Variants in GREB1 observed in about 807,000 individuals in gnomAD.
The protein encoded by GREB1 is protein GREB1.
In GREB1, 106 loss-of-function variants were observed where a neutral mutation model predicts 200.7. The observed-to-expected ratio is 0.53, with a 90% CI of 0.45 to 0.62. The LOEUF (loss-of-function observed/expected upper bound fraction) is 0.62. Ranked by LOEUF, GREB1 falls within the 20% of genes least tolerant of loss-of-function variation. The pLI is 0.00. For synonymous variants in GREB1, 1,132 were observed against 1,092.4 expected (o/e 1.04, Z -0.72); for missense variants, 2,243 against 2,556.8 (o/e 0.88, Z 2.65).
At chr2:11,627,282 G>A (rs1042263240) in intron 25 of GREB1, among the ~76,000 whole-genome samples, 178 bp downstream of exon 25, 1 of 152,218 alleles carries the variant, frequency 6.6e-6, no homozygotes, top group Non-Finnish European at 1.5e-5. Context: ...TGGAACTAGA[G>A]CACCACGGTT....
intron 1 of GREB1, among the ~76,000 whole-genome samples, chr2:11,546,329 A>G (rs766619325): frequency 3.3e-5 from 5 of 152,208 alleles, no homozygotes; most frequent in Non-Finnish European, 5.9e-5. Flanking sequence ...TATACAGGAA[A>G]GAAATATTGG....
chr2:11,537,623 T>G lies in GREB1; in HGVS notation c.-162+3369T>G, dbSNP rs868423340. ...TAAAAATATAATAAATAGTATATAC[T>G]ATTTTAACATGTTATAAGTTTATAT... On this transcript the variant is annotated intron_variant, in intron 1 of 32. Transcript: ENST00000381486. Among the ~76,000 whole-genome samples the G allele has an allele frequency of 3.4e-4, 50 of 148,252 alleles. No individual in the cohort carries two copies. The South Asian group carries it at 7.8e-3, about 23-fold the overall frequency.
intron 16 of GREB1, 133 bp downstream of exon 16, chr2:11,601,128 C>T (rs990757754): frequency 1.4e-6 from 1 of 699,662 alleles, no homozygotes; most frequent in East Asian, 2.8e-5. Flanking sequence ...TGGTTCAACC[C>T]AGAGTTAGGT....
In GREB1 at chr2:11,592,969, C is replaced by T. The variant is rs774102320; in HGVS notation, c.1539C>T (p.Asn513=). ...WLASLAASSC[N]DSVHVIECAY... ...CCAGCCTGGCCGCCAGCTCCTGCAA[C>T]GACAGCGTGCACGTCATCGAGTGTG... is the stretch of plus-strand genomic sequence containing the variant. The change falls in exon 11 of 33, where the codon AAC becomes AAT. Residue 513 remains asparagine, a synonymous_variant. Transcript: ENST00000381486. The T allele has an allele frequency of 1.2e-5, 19 of 1,599,370 alleles. No homozygotes were observed. The highest frequency in any genetic ancestry group is 5.1e-5 in the Admixed American group (3 of 58,600).
intron 1 of GREB1, among the ~76,000 whole-genome samples, chr2:11,527,622 A>C (rs925931532): frequency 5.9e-5 from 9 of 152,226 alleles, no homozygotes; most frequent in Non-Finnish European, 1.0e-4. Flanking sequence ...CAGCCTCTCC[A>C]AATAGCAAGA....
rs772115285 is a variant in GREB1, at chr2:11,521,756, A to G, written c.-158-34701A>G. Among the ~76,000 whole-genome samples the G allele has an allele frequency of 7.4e-4, 112 of 152,352 alleles. 1 individual carries two copies. The highest frequency in any genetic ancestry group is 4.3e-4 in the Non-Finnish European group (29 of 68,036). On this transcript the variant is annotated intron_variant, in intron 1 of 2. Transcript: ENST00000628795. ...TACTTGAAAATCTTGCAAAATGCTAATAACGCAAACCATTTCTGGTTGGCT... is the reference window on the plus strand; with the variant it reads ...TACTTGAAAATCTTGCAAAATGCTAGTAACGCAAACCATTTCTGGTTGGCT...
rs766349374 is a variant in GREB1, at chr2:11,618,863, G to A, written c.3988G>A (p.Glu1330Lys). 109 of 1,586,654 alleles carry A rather than the reference G, an allele frequency of 6.9e-5. No individual in the cohort carries two copies. The East Asian group carries it at 9.9e-4, about 14-fold the overall frequency. The change falls in exon 22 of 33, where the codon GAG becomes AAG. Residue 1330 changes from glutamate (E) to lysine (K), a missense_variant. Glu to Lys is a moderately conservative substitution (Grantham distance 56, BLOSUM62 1). This residue lies in a region of GREB1 where 587 missense variants were observed against 553.1 expected (regional missense o/e 1.06). Transcript: ENST00000381486. ...CCACATGGACTACGGCAACCGGGCC[G>A]AGGGCCGCGTGGACGGCTTCCACCC... ...PSHMDYGNRA[E>K]GRVDGFHPRR... is the part of the protein sequence containing the mutation.
Position 11,634,306 on chromosome 2 carries a change from C to T in GREB1, c.5167C>T (p.Leu1723=). 1.2e-6 allele frequency: 2 copies of T among 1,614,140 alleles called. No individual in the cohort carries two copies. Among genetic ancestry groups the T allele is most frequent in the Non-Finnish European group, 1.7e-6 (2 of 1,180,002 alleles). The change falls in exon 29 of 33, where the codon CTG becomes TTG. Residue 1723 remains leucine (L), a synonymous_variant. Coordinates refer to ENST00000381486, the MANE Select transcript of GREB1 (RefSeq NM_014668.4). ...CTGCCACGTGCACAACTTCATCATC[C>T]TGAACGTGGACCTGACCCAGAACGT... ...SRCHVHNFII[L]NVDLTQNVQY...
At chr2:11,603,796 A>T in intron 17 of GREB1, among the ~76,000 whole-genome samples, 1 of 152,382 alleles carries the variant, frequency 6.6e-6, no homozygotes, top group South Asian at 2.1e-4. Context: ...CAGTGAGCAC[A>T]CATGATGTGT....
intron 26 of GREB1, among the ~76,000 whole-genome samples, chr2:11,631,623 C>A (rs962871202): frequency 9.2e-5 from 14 of 152,156 alleles, no homozygotes; most frequent in Admixed American, 1.3e-4. Flanking sequence ...CTGTTCAGCT[C>A]TCCTCCATGT....
At chr2:11,536,599 A>G (rs1018822323) in intron 1 of GREB1, among the ~76,000 whole-genome samples, 2 of 152,208 alleles carry the variant, frequency 1.3e-5, no homozygotes, top group African/African-American at 4.8e-5. Flanking sequence ...GAAGAGCATT[A>G]TGTATAGAAT....
At position 11,618,605 on chromosome 2, in the gene GREB1, G is replaced by A. The variant is rs201078006; in HGVS notation, c.3730G>A (p.Ala1244Thr). 135 of 1,613,192 alleles carry A rather than the reference G, an allele frequency of 8.4e-5. 1 individual carries two copies. In the East Asian group the frequency reaches 2.9e-3, roughly 34 times the overall value. The change falls in exon 22 of 33, where the codon GCC (alanine) becomes ACC (threonine). Residue 1244 changes from alanine (A) to threonine (T), a missense_variant. This residue lies in a region of GREB1 where 587 missense variants were observed against 553.1 expected (regional missense o/e 1.06). Transcript: ENST00000381486. ...CGCTGCCGGCACGTGGGTCCTGCAG[G>A]CCTCCCAGTGCTCCTTGACCAAGGC... ...APAAGTWVLQ[A>T]SQCSLTKACR...
At chr2:11,549,289 C>G (rs1377096024) in intron 1 of GREB1, among the ~76,000 whole-genome samples, 2 of 152,084 alleles carry the variant, frequency 1.3e-5, no homozygotes, top group Non-Finnish European at 2.9e-5. Context: ...ATAGAATAAA[C>G]ACATTAAAAG....
chr2:11,592,797 T>A lies in GREB1; in HGVS notation c.1367T>A (p.Met456Lys). 6.5e-7 allele frequency: 1 copy of A among 1,545,884 alleles called. No homozygotes were observed. The highest frequency in any genetic ancestry group is 8.7e-7 in the Non-Finnish European group (1 of 1,153,400). The part of the protein sequence containing the change: ...VQLAADQVPL[M>K]EDLEQIFLRS... ...GCAGCCGCGGACCAGGTGCCCTTGA[T>A]GGAGGACCTGGAGCAGATCTTCCTG... Residue 456 changes from methionine (M) to lysine (K), a missense_variant, in exon 11 of 33, where the codon ATG (methionine) becomes AAG (lysine). Coordinates refer to ENST00000381486, the MANE Select transcript of GREB1 (RefSeq NM_014668.4).
intron 3 of GREB1, among the ~76,000 whole-genome samples, chr2:11,565,528 G>C (rs1182111629): frequency 6.6e-6 from 1 of 152,212 alleles, no homozygotes; most frequent in Non-Finnish European, 1.5e-5. Flanking sequence ...AGGAGATGGG[G>C]CTGGGTGTGC....
rs550093392 is a variant in GREB1 at position 11,518,219 on chromosome 2, A to AGGAGGAGC, written c.-159+35839_-159+35846dup. Among the ~76,000 whole-genome samples, 9 of 152,350 alleles carry AGGAGGAGC rather than the reference A, an allele frequency of 5.9e-5. No homozygotes were observed. In the South Asian group the frequency reaches 1.9e-3, roughly 32 times the overall value. On this transcript the variant is annotated intron_variant, in intron 1 of 2. Coordinates refer to the GREB1 transcript ENST00000628795. ...CTTCCAGTTGTTTGACGTCAAGGTC[A>AGGAGGAGC]GGAGGAGCATGGAGATCCATTTGGG...
intron 17 of GREB1, among the ~76,000 whole-genome samples, chr2:11,609,664 T>C (rs1682741388): frequency 6.6e-6 from 1 of 152,186 alleles, no homozygotes; most frequent in Admixed American, 6.5e-5. Context: ...CCAGCTTATG[T>C]GACCTGCGTA....
chr2:11,590,296 CAT>C (rs1680599948), intron 10 of GREB1, among the ~76,000 whole-genome samples: 1 of 152,206 alleles, frequency 6.6e-6, no homozygotes, highest in Non-Finnish European at 1.5e-5. Context: ...CTGTTCCCCA[CAT>C]CCCTGAGAAC....
chr2:11,622,988 G>C (rs1160795317), intron 23 of GREB1, among the ~76,000 whole-genome samples: 1 of 152,236 alleles, frequency 6.6e-6, no homozygotes, highest in Non-Finnish European at 1.5e-5. Flanking sequence ...GAGCCTTGCA[G>C]ATACAATGGG....
Sources: gnomAD v4.1 joint callset for allele counts (sites outside exome capture counted in the v4.1 genomes callset) on GRCh38, gnomAD v4.1.1 for gene constraint, gnomAD v4.1.1 regional missense constraint, MANE v1.5 for transcripts, NCBI Gene and HGNC (gene_info 2026-07-23, HGNC 2026-07-21) for gene names.